PTPRD: variants seen among roughly 807,000 people sequenced by gnomAD.
PTPRD encodes protein tyrosine phosphatase receptor type D.
A neutral mutation model predicts 214.5 loss-of-function variants in PTPRD; 34 were observed. That is an observed-to-expected ratio of 0.16 (90% CI 0.12 to 0.21). The LOEUF is 0.21. Among genes scored for constraint, PTPRD ranks in the 10% least tolerant of loss-of-function variants. The probability of loss-of-function intolerance (pLI) is 1.00; values close to 1 mark genes in which losing one functional copy is unlikely to be tolerated. For missense variants in PTPRD, 2,545 were observed against 2,398.7 expected, an observed-to-expected ratio of 1.06 and a Z score of -1.27; for synonymous variants, 1,128 against 845.7, an observed-to-expected ratio of 1.33 and a Z score of -5.79.
intron 2 of PTPRD, among the ~76,000 whole-genome samples, chr9:10,575,604 C>T (rs759771809): frequency 4.6e-5 from 7 of 152,024 alleles, no homozygotes; most frequent in Non-Finnish European, 1.0e-4. Flanking sequence ...AAATGCATGA[C>T]AGACAATTCC....
At chr9:10,562,506 A>C (rs2064282591) in intron 2 of PTPRD, among the ~76,000 whole-genome samples, 1 of 152,100 alleles carries the variant, frequency 6.6e-6, no homozygotes, top group Non-Finnish European at 1.5e-5. Context: ...ATCTATTTGA[A>C]ATACAAATGA....
chr9:8,520,506 T>G (rs959107456), intron 20 of PTPRD, among the ~76,000 whole-genome samples: 1 of 152,190 alleles, frequency 6.6e-6, no homozygotes, highest in African/African-American at 2.4e-5. Flanking sequence ...GAAGATAATT[T>G]GTGTTCATTT....
At chr9:9,489,297 G>T (rs1183847029) in intron 8 of PTPRD, among the ~76,000 whole-genome samples, 3 of 152,066 alleles carry the variant, frequency 2.0e-5, no homozygotes, top group Admixed American at 2.0e-4. Context: ...CAGACGCTGT[G>T]GAAAAGAGAA....
intron 11 of PTPRD, among the ~76,000 whole-genome samples, chr9:8,973,902 A>T (rs1256706798): frequency 2.0e-5 from 3 of 151,202 alleles, no homozygotes; most frequent in African/African-American, 7.3e-5. Flanking sequence ...GCCCACTTTT[A>T]ATAGGGTTGT....
chr9:9,984,714 C>G (rs968445126), intron 4 of PTPRD, among the ~76,000 whole-genome samples: 4 of 152,084 alleles, frequency 2.6e-5, no homozygotes, highest in African/African-American at 9.7e-5. Flanking sequence ...GGGAGGACCA[C>G]AGTGTCCTGA....
chr9:9,684,182 T>G (rs912709735), intron 7 of PTPRD, among the ~76,000 whole-genome samples: 1 of 151,720 alleles, frequency 6.6e-6, no homozygotes, highest in African/African-American at 2.4e-5. Context: ...AAAGACCTTT[T>G]AACATTTTAT....
chr9:10,191,752 C>T (rs1407275787), intron 3 of PTPRD, among the ~76,000 whole-genome samples: 1 of 152,112 alleles, frequency 6.6e-6, no homozygotes, highest in Non-Finnish European at 1.5e-5. Flanking sequence ...CCTCAGTGTT[C>T]TCATAGTATT....
At position 8,484,222 on chromosome 9, in the gene PTPRD, C is replaced by T. The variant is rs2135771244; in HGVS notation, c.3310G>A (p.Ala1104Thr). 6.2e-7 allele frequency: 1 copy of T among 1,614,144 alleles called. No individual in the cohort carries two copies. The highest frequency in any genetic ancestry group is 8.5e-7 in the Non-Finnish European group (1 of 1,180,032). The change falls in exon 30 of 46, where the codon GCA becomes ACA. Residue 1104 changes from alanine (A) to threonine (T), a missense_variant. Ala to Thr is a moderately conservative substitution (Grantham distance 58, BLOSUM62 0). Transcript: ENST00000381196. ...GGCTTGGTACGTAATACATCTGGTGCAGTCTTTGCCGTGACCCTGTGCTGC... is the reference window on the plus strand; with the variant it reads ...GGCTTGGTACGTAATACATCTGGTGTAGTCTTTGCCGTGACCCTGTGCTGC... Reference protein sequence around the residue: ...GLQHRVTAKTAPDVLRTKPAF... With the variant: ...GLQHRVTAKTTPDVLRTKPAF...
intron 5 of PTPRD, among the ~76,000 whole-genome samples, chr9:9,806,216 G>A (rs908578136): frequency 6.6e-6 from 1 of 152,022 alleles, no homozygotes; most frequent in Non-Finnish European, 1.5e-5. Context: ...ACCATCAGAA[G>A]ATGGTCAGGC....
chr9:8,499,193 C>T (rs976314324), intron 25 of PTPRD, among the ~76,000 whole-genome samples: 1 of 152,080 alleles, frequency 6.6e-6, no homozygotes, highest in Non-Finnish European at 1.5e-5. Context: ...ATACTGAGTA[C>T]CTGTCCCTGA....
intron 2 of PTPRD, among the ~76,000 whole-genome samples, chr9:10,465,155 G>C (rs2098984911): frequency 6.6e-6 from 1 of 152,142 alleles, no homozygotes. Flanking sequence ...AGTCAATAAT[G>C]AATCCTGGTT....
At chr9:9,640,288 C>T (rs555492175) in intron 7 of PTPRD, among the ~76,000 whole-genome samples, 9 of 152,320 alleles carry the variant, frequency 5.9e-5, no homozygotes, top group African/African-American at 2.2e-4. Context: ...GACTGGCACT[C>T]TTTCCGAGGA....
At chr9:8,778,977 T>C (rs553562183) in intron 11 of PTPRD, among the ~76,000 whole-genome samples, 77 of 152,278 alleles carry the variant, frequency 5.1e-4, no homozygotes, top group African/African-American at 1.9e-3. Context: ...AATGATTCTT[T>C]ATGATATCTT....
At chr9:9,009,232 A>T (rs1246939995) in intron 11 of PTPRD, among the ~76,000 whole-genome samples, 1 of 152,146 alleles carries the variant, frequency 6.6e-6, no homozygotes, top group South Asian at 2.1e-4. Flanking sequence ...CTTACCAAAA[A>T]TTACCAGGAA....
intron 3 of PTPRD, among the ~76,000 whole-genome samples, chr9:10,234,482 G>A (rs996915859): frequency 4.0e-5 from 6 of 151,674 alleles, no homozygotes; most frequent in Non-Finnish European, 7.4e-5. Context: ...AACCCTTAGA[G>A]GATAGGAAAT....
At chr9:10,030,617 T>A (rs1363736445) in intron 4 of PTPRD, among the ~76,000 whole-genome samples, 1 of 152,018 alleles carries the variant, frequency 6.6e-6, no homozygotes, top group Admixed American at 6.6e-5. Context: ...CTCAGGGAAA[T>A]AAGAAGGGTC....
intron 7 of PTPRD, among the ~76,000 whole-genome samples, chr9:9,714,574 G>C (rs563904358): frequency 6.6e-6 from 1 of 152,192 alleles, no homozygotes; most frequent in Admixed American, 6.5e-5. Context: ...CAAAAGTAAA[G>C]TAACCCTGTA....
rs75828037 is a variant in PTPRD, at chr9:8,592,722, G to T, written c.352+40595C>A. ...AATTGGTGTCTCGAAGCACATAAGG[G>T]TTGCTGTGCTTGAAGATTTTCACTA... On this transcript the variant is annotated intron_variant, in intron 14 of 45. Coordinates refer to ENST00000381196, the MANE Select transcript of PTPRD (RefSeq NM_002839.4). Among the ~76,000 whole-genome samples the T allele has an allele frequency of 9.8e-3, 1,488 of 152,266 alleles. 17 individuals are homozygous for T. Among genetic ancestry groups the T allele is most frequent in the African/African-American group, 0.034 (1,406 of 41,548 alleles).
At chr9:9,020,052 G>C (rs777141169) in intron 10 of PTPRD, among the ~76,000 whole-genome samples, 9 of 152,108 alleles carry the variant, frequency 5.9e-5, no homozygotes, top group Admixed American at 1.3e-4. Context: ...GGGAGGAGAA[G>C]AGAAGAGGGA....
Sources: gnomAD v4.1 joint callset for allele counts (sites outside exome capture counted in the v4.1 genomes callset) on GRCh38, gnomAD v4.1.1 for gene constraint, MANE v1.5 for transcripts, NCBI Gene and HGNC (gene_info 2026-07-23, HGNC 2026-07-21) for gene names.